Variants in RBFOX1 observed in about 807,000 individuals in gnomAD.
The protein encoded by RBFOX1 is RNA binding protein fox-1 homolog 1.
A neutral mutation model predicts 57.7 loss-of-function variants in RBFOX1; 8 were observed. That is an observed-to-expected ratio of 0.14 (90% CI 0.08 to 0.25). The LOEUF is 0.25. Ranked by LOEUF, RBFOX1 falls within the 10% of genes least tolerant of loss-of-function variation. The pLI is 1.00. For synonymous variants in RBFOX1, 326 were observed against 222.4 expected (o/e 1.47, Z -4.15); for missense variants, 611 against 548.5 (o/e 1.11, Z -1.14).
intron 4 of RBFOX1, among the ~76,000 whole-genome samples, chr16:7,091,478 T>C (rs1344372809): frequency 6.6e-6 from 1 of 151,430 alleles, no homozygotes; most frequent in Non-Finnish European, 1.5e-5. Flanking sequence ...GGGGAGAGAG[T>C]TATGCCAGGC....
At chr16:7,367,838 A>G (rs571611306) in intron 4 of RBFOX1, among the ~76,000 whole-genome samples, 2 of 152,252 alleles carry the variant, frequency 1.3e-5, no homozygotes, top group African/African-American at 2.4e-5. Context: ...ATGATGATAT[A>G]TATATATGCA....
At chr16:6,618,685 T>A (rs1567907969) in intron 2 of RBFOX1, among the ~76,000 whole-genome samples, 1 of 152,208 alleles carries the variant, frequency 6.6e-6, no homozygotes, top group Non-Finnish European at 1.5e-5. Context: ...TTTAATGTGA[T>A]GTGTTGGTAT....
At chr16:6,695,331 G>A (rs144066257) in intron 3 of RBFOX1, among the ~76,000 whole-genome samples, 2 of 142,742 alleles carry the variant, frequency 1.4e-5, no homozygotes, top group African/African-American at 5.2e-5. Context: ...CAGGAGAATC[G>A]CTTGAACCCA....
intron 1 of RBFOX1, among the ~76,000 whole-genome samples, chr16:5,447,846 C>T (rs117379909): frequency 0.015 from 2,241 of 152,314 alleles, 21 homozygotes; most frequent in Middle Eastern, 0.037. Flanking sequence ...TACCCATGGC[C>T]GAAAGTGGCC....
intron 1 of RBFOX1, among the ~76,000 whole-genome samples, chr16:5,323,285 C>G (rs142107127): frequency 6.6e-6 from 1 of 152,310 alleles, no homozygotes; most frequent in Admixed American, 6.5e-5. Flanking sequence ...ATGGGCGATG[C>G]ACATTCTTTC....
intron 3 of RBFOX1, among the ~76,000 whole-genome samples, chr16:5,789,134 G>A (rs1328102725): frequency 6.6e-6 from 1 of 152,198 alleles, no homozygotes; most frequent in African/African-American, 2.4e-5. Context: ...AGGCCTGTCT[G>A]TGTAAGGAGG....
At chr16:7,076,981 T>C (rs2058407297) in intron 4 of RBFOX1, among the ~76,000 whole-genome samples, 1 of 152,196 alleles carries the variant, frequency 6.6e-6, no homozygotes, top group Admixed American at 6.5e-5. Context: ...TGCAGTGTTA[T>C]TGGGTGTACG....
chr16:5,529,916 G>C (rs544989607), intron 2 of RBFOX1, among the ~76,000 whole-genome samples: 4 of 152,276 alleles, frequency 2.6e-5, no homozygotes, highest in Admixed American at 1.3e-4. Flanking sequence ...GAGAACACCA[G>C]TGAAGGCTGG....
chr16:7,175,563 T>C (rs754561783), intron 4 of RBFOX1, among the ~76,000 whole-genome samples: 5 of 152,126 alleles, frequency 3.3e-5, no homozygotes, highest in East Asian at 3.9e-4. Context: ...CACATAGGGC[T>C]CATAGGCAAA....
chr16:5,376,481 G>A (rs1025310582), intron 1 of RBFOX1, among the ~76,000 whole-genome samples: 1 of 152,138 alleles, frequency 6.6e-6, no homozygotes, highest in Admixed American at 6.5e-5. Context: ...CAGGAGAAGG[G>A]TTAGGGATGG....
intron 4 of RBFOX1, among the ~76,000 whole-genome samples, chr16:5,987,680 C>T (rs2060309158): frequency 6.6e-6 from 1 of 152,168 alleles, no homozygotes; most frequent in South Asian, 2.1e-4. Context: ...AGCCACCGTA[C>T]TGCAGCCCAG....
intron 3 of RBFOX1, among the ~76,000 whole-genome samples, chr16:6,782,323 G>A (rs1467620744): frequency 6.6e-6 from 1 of 152,054 alleles, no homozygotes; most frequent in East Asian, 1.9e-4. Context: ...TACCATCTTA[G>A]TACTGCTTTT....
At chr16:5,355,740 A>G (rs1041328479) in intron 1 of RBFOX1, among the ~76,000 whole-genome samples, 1 of 152,186 alleles carries the variant, frequency 6.6e-6, no homozygotes, top group African/African-American at 2.4e-5. Context: ...AAAGAGTCAC[A>G]GGATGAGATG....
At chr16:6,962,823 C>A (rs1026704240) in intron 3 of RBFOX1, among the ~76,000 whole-genome samples, 2 of 151,878 alleles carry the variant, frequency 1.3e-5, no homozygotes, top group Non-Finnish European at 2.9e-5. Flanking sequence ...TGTGATCATG[C>A]CACTGCACTC....
At chr16:6,797,074 A>G (rs992873538) in intron 3 of RBFOX1, among the ~76,000 whole-genome samples, 10 of 152,164 alleles carry the variant, frequency 6.6e-5, no homozygotes, top group South Asian at 4.1e-4. Flanking sequence ...AGTGAAGCAA[A>G]TAAATAGAGT....
chr16:7,468,468 T>G (rs2150824502), intron 4 of RBFOX1, among the ~76,000 whole-genome samples: 1 of 151,742 alleles, frequency 6.6e-6, no homozygotes, highest in African/African-American at 2.4e-5. Flanking sequence ...TTTTTTTTTT[T>G]TTTTTTCCTG....
At chr16:6,785,041 G>A (rs1467133039) in intron 3 of RBFOX1, among the ~76,000 whole-genome samples, 2 of 151,990 alleles carry the variant, frequency 1.3e-5, no homozygotes, top group Non-Finnish European at 2.9e-5. Context: ...AAAAAAATAG[G>A]CATTTAACAT....
intron 4 of RBFOX1, among the ~76,000 whole-genome samples, chr16:6,009,816 C>CTGTGTCTGTGTGTGTGTG (rs1555469442): frequency 6.7e-6 from 1 of 148,418 alleles, no homozygotes; most frequent in Non-Finnish European, 1.5e-5. Context: ...GTGTGTGTGT[C>CTGTGTCTGTGTGTGTGTG]TGTGTGTGTG....
intron 3 of RBFOX1, among the ~76,000 whole-genome samples, chr16:6,964,443 C>T (rs896266982): frequency 6.6e-6 from 1 of 152,140 alleles, no homozygotes; most frequent in African/African-American, 2.4e-5. Flanking sequence ...AATGGAAACT[C>T]TGCTCTTTGG....
Sources: gnomAD v4.1 joint callset for allele counts (sites outside exome capture counted in the v4.1 genomes callset) on GRCh38, gnomAD v4.1.1 for gene constraint, MANE v1.5 for transcripts, NCBI Gene and HGNC (gene_info 2026-07-23, HGNC 2026-07-21) for gene names.